The following HS6ST1 variants were observed in gnomAD, a reference collection of about 807,000 sequenced individuals.
HS6ST1 encodes heparan sulfate 6-O-sulfotransferase 1.
HS6ST1 carries 3 observed loss-of-function variants against 25.2 expected under a neutral mutation model. The observed-to-expected ratio is 0.12, with a 90% CI of 0.05 to 0.31. The LOEUF is 0.31. Among genes scored for constraint, HS6ST1 ranks in the 10% least tolerant of loss-of-function variants. The pLI is 1.00. For synonymous variants in HS6ST1, 204 were observed against 275.1 expected (o/e 0.74, Z 2.56); for missense variants, 310 against 609.6 (o/e 0.51, Z 5.18).
At chr2:128,305,478 C>A (rs1222201710) in intron 1 of HS6ST1, among the ~76,000 whole-genome samples, 1 of 152,216 alleles carries the variant, frequency 6.6e-6, no homozygotes, top group South Asian at 2.1e-4. Context: ...GGAACAGAGG[C>A]AGAAGAGGAG....
intron 1 of HS6ST1, among the ~76,000 whole-genome samples, chr2:128,292,253 C>A (rs1480936039): frequency 6.6e-6 from 1 of 152,212 alleles, no homozygotes; most frequent in African/African-American, 2.4e-5. Context: ...GCAGTCTGGG[C>A]CTGCTCACAC....
chr2:128,305,918 T>G (rs1694200999), intron 1 of HS6ST1, among the ~76,000 whole-genome samples: 2 of 152,196 alleles, frequency 1.3e-5, no homozygotes, highest in Admixed American at 6.5e-5. Flanking sequence ...AGGCAGGCAC[T>G]GTGGCGGACA....
At chr2:128,287,467 C>T (rs139682286) in intron 1 of HS6ST1, among the ~76,000 whole-genome samples, 15 of 152,292 alleles carry the variant, frequency 9.8e-5, no homozygotes, top group African/African-American at 2.9e-4. Context: ...GGCAGAGAGC[C>T]GGGATGTGAG....
At chr2:128,307,653 C>T (rs1418443170) in intron 1 of HS6ST1, among the ~76,000 whole-genome samples, 4 of 152,186 alleles carry the variant, frequency 2.6e-5, no homozygotes, top group Non-Finnish European at 5.9e-5. Context: ...CCTCACTGAC[C>T]GATAAACACA....
chr2:128,293,026 C>T (rs928362878), intron 1 of HS6ST1, among the ~76,000 whole-genome samples: 17 of 152,172 alleles, frequency 1.1e-4, no homozygotes, highest in African/African-American at 4.1e-4. Flanking sequence ...GCTGCAGCCC[C>T]CCGCTGCCCA....
At position 128,267,789 on chromosome 2, in the gene HS6ST1, G is replaced by A; in HGVS notation, c.*373C>T. ...GAGTGCTGTGTGCATAGTTGGTGAG[G>A]GACACACTCCCGGCCTGGCAGGTCC... On this transcript the variant is annotated 3_prime_UTR_variant, in exon 2 of 2. Coordinates refer to ENST00000259241, the MANE Select transcript of HS6ST1 (RefSeq NM_004807.3). 1 of 350,502 alleles carries A rather than the reference G, an allele frequency of 2.9e-6. No homozygotes were observed. Among genetic ancestry groups the A allele is most frequent in the South Asian group, 3.5e-5 (1 of 28,906 alleles). 21.7% of individuals were successfully genotyped at this position (350,502 alleles called of 1,614,324 possible).
At chr2:128,278,289 C>T (rs760831621) in intron 1 of HS6ST1, among the ~76,000 whole-genome samples, 1 of 152,218 alleles carries the variant, frequency 6.6e-6, no homozygotes, top group Non-Finnish European at 1.5e-5. Context: ...CTGATCTGAC[C>T]CAAACTCATG....
intron 1 of HS6ST1, among the ~76,000 whole-genome samples, chr2:128,310,288 AC>A (rs567484851): frequency 7.6e-4 from 115 of 152,008 alleles, no homozygotes; most frequent in Non-Finnish European, 1.3e-3. Context: ...GCGGCGTGTC[AC>A]CCCCACAGGC....
chr2:128,302,702 C>A (rs114131822), intron 1 of HS6ST1, among the ~76,000 whole-genome samples: 3,237 of 152,290 alleles, frequency 0.021, 124 homozygotes, highest in African/African-American at 0.075. Context: ...CACCACGGGG[C>A]TTCAAGGCAT....
intron 1 of HS6ST1, among the ~76,000 whole-genome samples, chr2:128,305,251 G>A (rs1426660564): frequency 2.0e-5 from 3 of 152,240 alleles, no homozygotes; most frequent in Non-Finnish European, 4.4e-5. Context: ...GTTCTCTGCT[G>A]GGAACGTTGC....
intron 1 of HS6ST1, among the ~76,000 whole-genome samples, chr2:128,312,241 G>A (rs1694302782): frequency 6.6e-6 from 1 of 152,266 alleles, no homozygotes; most frequent in South Asian, 2.1e-4. Context: ...ACAGCCTTCA[G>A]GACAGACAGA....
At chr2:128,282,785 G>A (rs1405421808) in intron 1 of HS6ST1, among the ~76,000 whole-genome samples, 1 of 152,220 alleles carries the variant, frequency 6.6e-6, no homozygotes, top group Non-Finnish European at 1.5e-5. Context: ...GAGGGGAGCT[G>A]GGCACTGCGG....
chr2:128,272,489 G>A (rs1342292523), intron 1 of HS6ST1, among the ~76,000 whole-genome samples: 1 of 152,244 alleles, frequency 6.6e-6, no homozygotes, highest in African/African-American at 2.4e-5. Flanking sequence ...ACCATCACGG[G>A]TGGGGGTGGC....
chr2:128,289,644 G>A (rs1266707677), intron 1 of HS6ST1: 2 of 152,188 alleles, frequency 1.3e-5, no homozygotes, highest in Non-Finnish European at 2.9e-5. Context: ...TGGCCCTGAC[G>A]AGTTCCCCAA....
intron 1 of HS6ST1, among the ~76,000 whole-genome samples, chr2:128,302,335 ATG>A (rs777342743): frequency 6.6e-6 from 1 of 152,140 alleles, no homozygotes; most frequent in Non-Finnish European, 1.5e-5. Flanking sequence ...GCTGGCGTGC[ATG>A]TGTGTCTGCA....
At chr2:128,303,220 CA>C (rs570604440) in intron 1 of HS6ST1, among the ~76,000 whole-genome samples, 279 of 152,380 alleles carry the variant, frequency 1.8e-3, no homozygotes, top group Non-Finnish European at 3.1e-3. Context: ...ACCAAACATG[CA>C]GCCAAGAGGT....
intron 1 of HS6ST1, among the ~76,000 whole-genome samples, chr2:128,276,159 G>A (rs1313726417): frequency 1.3e-5 from 2 of 152,142 alleles, no homozygotes; most frequent in Non-Finnish European, 2.9e-5. Flanking sequence ...AGACAGTCTC[G>A]CTCTGTTGCC....
rs866805542 is a variant in HS6ST1 at position 128,278,610 on chromosome 2, G to A, written c.528-9740C>T. 6.4e-4 allele frequency among the ~76,000 whole-genome samples: 97 copies of A among 152,316 alleles called. 1 individual carries two copies. The Middle Eastern group carries it at 0.01, about 16-fold the overall frequency. On this transcript the variant is annotated intron_variant, in intron 1 of 1. Transcript: ENST00000259241. ...CACAGTGGATGGTCCTGCGGCTCAC[G>A]GAGGGGGAGCTGACAAGTCCTGAAG...
intron 1 of HS6ST1, among the ~76,000 whole-genome samples, chr2:128,316,190 T>C (rs1317913929): frequency 1.3e-5 from 2 of 152,220 alleles, no homozygotes; most frequent in Non-Finnish European, 2.9e-5. Context: ...AGGCCAAGGC[T>C]CTTCACCCTG....
Sources: allele counts gnomAD v4.1 joint callset (sites outside exome capture counted in the v4.1 genomes callset), GRCh38; gene constraint gnomAD v4.1.1; transcripts MANE v1.5; gene names NCBI Gene and HGNC (gene_info 2026-07-23, HGNC 2026-07-21).